The following C8A variants were observed in gnomAD, a reference collection of about 807,000 sequenced individuals.
C8A encodes complement C8 alpha chain.
In C8A, 67 loss-of-function variants were observed where a neutral mutation model predicts 65.3. The ratio of observed to expected loss-of-function variants is 1.03; its 90% CI spans 0.84 to 1.26. The LOEUF (loss-of-function observed/expected upper bound fraction) is 1.26, where lower values mean the gene tolerates loss of function less well. Among genes scored for constraint, C8A ranks in the 50% most tolerant of loss-of-function variants. The pLI is 0.00. For synonymous variants in C8A, 290 were observed against 259.4 expected (o/e 1.12, Z -1.13); for missense variants, 781 against 723.9 (o/e 1.08, Z -0.90).
At chr1:56,914,714 G>C (rs1201275528) in intron 10 of C8A, among the ~76,000 whole-genome samples, 1 of 152,078 alleles carries the variant, frequency 6.6e-6, no homozygotes, top group Non-Finnish European at 1.5e-5. Context: ...ACCCAGGCTG[G>C]AGTGGAATGG....
rs1388327846 is a variant in C8A at position 56,885,372 on chromosome 1, ATATTTATT to A, written c.856-552_856-545del. Among the ~76,000 whole-genome samples, 82 of 108,438 alleles carry A rather than the reference ATATTTATT, an allele frequency of 7.6e-4. 2 individuals carry two copies. The South Asian group carries it at 7.6e-3, about 10-fold the overall frequency. 71.1% of individuals were successfully genotyped at this position (108,438 alleles called of 152,430 possible). A position where few individuals can be genotyped will look rare whatever the true frequency, so the allele number is the denominator to read the frequency against. On this transcript the variant is annotated intron_variant, in intron 6 of 10. Transcript: ENST00000361249. ...TATATATTTATGTAAATATATATTT[ATATTTATT>A]TAAATATATATTTAAATAAATATAT...
Position 56,912,366 on chromosome 1 carries a change from C to T in C8A, c.1381-37C>T, listed in dbSNP as rs201089185. 1.8e-4 allele frequency: 292 copies of T among 1,596,450 alleles called. No individual in the cohort carries two copies. In the Middle Eastern group the frequency reaches 4.3e-3, roughly 24 times the overall value. On this transcript the variant is annotated intron_variant, in intron 9 of 10. Coordinates refer to ENST00000361249, the MANE Select transcript of C8A (RefSeq NM_000562.3). Reference sequence around the variant, plus strand: ...TTGGGCTCTGGGAAGGTAGATAGAGCCCAGGGAGGGGCCCTGTGTTCTTTC... The same window carrying T: ...TTGGGCTCTGGGAAGGTAGATAGAGTCCAGGGAGGGGCCCTGTGTTCTTTC...
At chr1:56,896,843 C>T (rs1644390464) in intron 7 of C8A, among the ~76,000 whole-genome samples, 1 of 152,174 alleles carries the variant, frequency 6.6e-6, no homozygotes, top group Admixed American at 6.5e-5. Flanking sequence ...ATAAGCATCA[C>T]TGGGTTCTAA....
chr1:56,911,065 G>GTTTTTTT (rs11325191), intron 9 of C8A, among the ~76,000 whole-genome samples: 5,699 of 141,474 alleles, frequency 0.04, 128 homozygotes, highest in South Asian at 0.064. Context: ...AAAAACATGG[G>GTTTTTTT]TTTTTTTTTT....
intron 1 of C8A, 67 bp from the exon 2 acceptor site, chr1:56,867,542 G>A (rs1644102392): frequency 9.0e-7 from 1 of 1,116,162 alleles, no homozygotes; most frequent in South Asian, 1.3e-5. Context: ...AGGAAAATGT[G>A]CACAGCTTTC....
At chr1:56,888,512 T>A (rs1386169403) in intron 7 of C8A, among the ~76,000 whole-genome samples, 1 of 151,992 alleles carries the variant, frequency 6.6e-6, no homozygotes, top group Non-Finnish European at 1.5e-5. Flanking sequence ...ACAAGAAAAA[T>A]TTTGAACAAC....
At chr1:56,861,741 C>T (rs946439290) in intron 1 of C8A, among the ~76,000 whole-genome samples, 1 of 152,146 alleles carries the variant, frequency 6.6e-6, no homozygotes, top group Non-Finnish European at 1.5e-5. Flanking sequence ...TAAAATACCT[C>T]TATTGTATGA....
intron 7 of C8A, among the ~76,000 whole-genome samples, chr1:56,902,834 A>G (rs1316115175): frequency 6.6e-6 from 1 of 152,032 alleles, no homozygotes; most frequent in Non-Finnish European, 1.5e-5. Context: ...CTTCTTTTTA[A>G]AGGCTGGATA....
intron 7 of C8A, among the ~76,000 whole-genome samples, chr1:56,889,276 C>A (rs1644326015): frequency 6.6e-6 from 1 of 152,128 alleles, no homozygotes; most frequent in Admixed American, 6.6e-5. Flanking sequence ...CTGGAGACCG[C>A]TAATAAATCA....
In C8A at chr1:56,910,577, A is replaced by G. The variant is rs183003901; in HGVS notation, c.1381-1826A>G. Among the ~76,000 whole-genome samples the G allele has an allele frequency of 2.5e-3, 382 of 152,336 alleles. 1 individual carries two copies. The highest frequency in any genetic ancestry group is 4.9e-3 in the Admixed American group (75 of 15,302). On this transcript the variant is annotated intron_variant, in intron 9 of 10. Coordinates refer to ENST00000361249, the MANE Select transcript of C8A (RefSeq NM_000562.3). ...CTGGCTTTCCCTGGAACTAACAGTC[A>G]TCTTTGAGAAGGCCAACAGGGCAGC...
At position 56,867,687 on chromosome 1, in the gene C8A, G is replaced by A. The variant is rs202216337; in HGVS notation, c.156G>A (p.Pro52=). Residue 52 remains proline (P), a synonymous_variant, in exon 2 of 11, where the codon CCG becomes CCA. Coordinates refer to ENST00000361249, the MANE Select transcript of C8A (RefSeq NM_000562.3). Reference sequence around the variant, plus strand: ...GGTCAGAGTGGACAGATTGCTTTCCGTGCCAGGACAAAAAGGTGAGACACT... The same window carrying A: ...GGTCAGAGTGGACAGATTGCTTTCCATGCCAGGACAAAAAGGTGAGACACT... ...SNWSEWTDCF[P]CQDKKYRHRS... 7.6e-5 allele frequency: 123 copies of A among 1,613,606 alleles called. No individual in the cohort carries two copies. Among genetic ancestry groups the A allele is most frequent in the Admixed American group, 3.5e-4 (21 of 59,960 alleles).
chr1:56,898,349 G>T (rs923446208), intron 7 of C8A, among the ~76,000 whole-genome samples: 1 of 152,074 alleles, frequency 6.6e-6, no homozygotes, highest in Non-Finnish European at 1.5e-5. Flanking sequence ...GAGCCTCTGC[G>T]TCTGGAAAAG....
At chr1:56,895,208 C>T (rs1052224695) in intron 7 of C8A, among the ~76,000 whole-genome samples, 3 of 152,160 alleles carry the variant, frequency 2.0e-5, no homozygotes, top group African/African-American at 7.2e-5. Context: ...CATTCTGATA[C>T]TATATGTGAG....
chr1:56,877,090 T>G lies in C8A; in HGVS notation c.464+881T>G, dbSNP rs145558490. Among the ~76,000 whole-genome samples the G allele has an allele frequency of 2.9e-4, 44 of 152,244 alleles. No individual in the cohort carries two copies. In the East Asian group the frequency reaches 7.7e-3, roughly 27 times the overall value. ...CCAGCGATCTCTCTCTTTCCACACA[T>G]GCATAGCCAATGAGACATGTGAGGA... On this transcript the variant is annotated intron_variant, in intron 4 of 10. Transcript: ENST00000361249.
At chr1:56,914,060 G>A (rs1245527398) in intron 10 of C8A, among the ~76,000 whole-genome samples, 1 of 151,692 alleles carries the variant, frequency 6.6e-6, no homozygotes, top group African/African-American at 2.4e-5. Flanking sequence ...ATCCAGAGAA[G>A]TGGGAAGGCT....
chr1:56,900,201 G>T (rs147494498), intron 7 of C8A, among the ~76,000 whole-genome samples: 73 of 152,292 alleles, frequency 4.8e-4, no homozygotes, highest in African/African-American at 1.7e-3. Context: ...CACCATGCAT[G>T]ATGAATGTTC....
At chr1:56,867,952 T>A (rs774651684) in intron 2 of C8A, among the ~76,000 whole-genome samples, 3 of 152,150 alleles carry the variant, frequency 2.0e-5, no homozygotes, top group Non-Finnish European at 4.4e-5. Context: ...AGTCACTATC[T>A]GTACATGGGC....
chr1:56,869,853 G>A (rs1570318670), intron 2 of C8A, among the ~76,000 whole-genome samples: 1 of 152,112 alleles, frequency 6.6e-6, no homozygotes, highest in Non-Finnish European at 1.5e-5. Context: ...TTCTTGCAGG[G>A]TTTGTGAATG....
At chr1:56,900,438 G>A (rs1426797566) in intron 7 of C8A, among the ~76,000 whole-genome samples, 2 of 152,136 alleles carry the variant, frequency 1.3e-5, no homozygotes, top group African/African-American at 4.8e-5. Flanking sequence ...GGGAGTATGA[G>A]GCAGAAAGCC....
Sources: gnomAD v4.1 joint callset for allele counts (sites outside exome capture counted in the v4.1 genomes callset) on GRCh38, gnomAD v4.1.1 for gene constraint, MANE v1.5 for transcripts, NCBI Gene and HGNC (gene_info 2026-07-23, HGNC 2026-07-21) for gene names.